The following ASIC2 variants were observed in gnomAD, a reference collection of about 807,000 sequenced individuals.
ASIC2 encodes the protein acid-sensing ion channel 2.
In ASIC2, 25 loss-of-function variants were observed where a neutral mutation model predicts 57.3. That is an observed-to-expected ratio of 0.44 (90% CI 0.32 to 0.61). The LOEUF is 0.61. Ranked by LOEUF, ASIC2 falls within the 20% of genes least tolerant of loss-of-function variation. The pLI, the probability that ASIC2 is intolerant of heterozygous loss-of-function variation, is 0.06. For missense variants in ASIC2, 641 were observed against 738.1 expected (o/e 0.87, Z 1.52); for synonymous variants, 319 against 307.5 (o/e 1.04, Z -0.39).
intron 1 of ASIC2, among the ~76,000 whole-genome samples, chr17:33,231,014 TAAAC>T (rs1259721736): frequency 6.6e-6 from 1 of 152,212 alleles, no homozygotes; most frequent in Non-Finnish European, 1.5e-5. Flanking sequence ...CTTTTTCTGT[TAAAC>T]AGAGGAAGAA....
At chr17:33,061,263 G>GT (rs2092019537) in intron 3 of ASIC2, among the ~76,000 whole-genome samples, 3 of 152,190 alleles carry the variant, frequency 2.0e-5, no homozygotes, top group Non-Finnish European at 4.4e-5. Flanking sequence ...AATGCTTCCA[G>GT]TTTTTGCCCA....
rs867185518 is a variant in ASIC2, at chr17:33,961,971, C to T, written c.555+194007G>A. Among the ~76,000 whole-genome samples, 4 of 152,304 alleles carry T rather than the reference C, an allele frequency of 2.6e-5. No homozygotes were observed. The Middle Eastern group carries it at 0.014, about 518-fold the overall frequency. On this transcript the variant is annotated intron_variant, in intron 1 of 9. Transcript: ENST00000359872. Reference sequence around the variant, plus strand: ...TTCAATATCAGCGTAAAACTCACATCACCAAGGAGGAATTCCTCGGTTCCA... The same window carrying T: ...TTCAATATCAGCGTAAAACTCACATTACCAAGGAGGAATTCCTCGGTTCCA...
At chr17:33,528,143 C>T (rs1457498536) in intron 1 of ASIC2, among the ~76,000 whole-genome samples, 3 of 68,488 alleles carry the variant, frequency 4.4e-5, no homozygotes, top group Non-Finnish European at 6.3e-5. Context: ...CAAACCTGGG[C>T]CTGGCTGACC....
chr17:33,562,526 C>T (rs373200805), intron 1 of ASIC2, among the ~76,000 whole-genome samples: 5 of 152,276 alleles, frequency 3.3e-5, no homozygotes, highest in South Asian at 4.1e-4. Flanking sequence ...CAGTGTAGGA[C>T]GTGACATGCT....
chr17:33,474,346 C>T (rs1043231450), intron 1 of ASIC2, among the ~76,000 whole-genome samples: 8 of 151,982 alleles, frequency 5.3e-5, no homozygotes, highest in Non-Finnish European at 1.2e-4. Flanking sequence ...CAGCCTGGGT[C>T]ACAGAGCACG....
intron 1 of ASIC2, among the ~76,000 whole-genome samples, chr17:33,881,730 G>T (rs1914704996): frequency 6.7e-6 from 1 of 149,662 alleles, no homozygotes; most frequent in East Asian, 2.0e-4. Flanking sequence ...CAAGCTCAAT[G>T]ACTTTCTTCA....
chr17:33,695,932 C>T (rs560344412), intron 1 of ASIC2, among the ~76,000 whole-genome samples: 26 of 152,212 alleles, frequency 1.7e-4, no homozygotes, highest in South Asian at 2.1e-4. Flanking sequence ...TCATAATGTA[C>T]GTATTATTCT....
At chr17:34,023,614 C>G (rs1168232245) in intron 1 of ASIC2, among the ~76,000 whole-genome samples, 1 of 152,150 alleles carries the variant, frequency 6.6e-6, no homozygotes, top group Non-Finnish European at 1.5e-5. Flanking sequence ...ACAGCATTTG[C>G]CTCACTTGCC....
At chr17:33,867,332 T>G (rs1442406095) in intron 1 of ASIC2, among the ~76,000 whole-genome samples, 1 of 152,176 alleles carries the variant, frequency 6.6e-6, no homozygotes, top group African/African-American at 2.4e-5. Flanking sequence ...ACCAGGATCT[T>G]CACGGTAATG....
At chr17:33,681,377 ACCTC>A (rs1026319854) in intron 1 of ASIC2, among the ~76,000 whole-genome samples, 9 of 151,952 alleles carry the variant, frequency 5.9e-5, no homozygotes, top group African/African-American at 2.2e-4. Context: ...TACCAGTTGC[ACCTC>A]CCCAAATTGT....
intron 1 of ASIC2, among the ~76,000 whole-genome samples, chr17:34,074,882 T>C (rs1244256862): frequency 6.8e-6 from 1 of 146,730 alleles, no homozygotes; most frequent in African/African-American, 2.6e-5. Context: ...ATCTCCAGGG[T>C]TCAAGTGATT....
chr17:33,122,911 G>A (rs191169808), intron 1 of ASIC2, among the ~76,000 whole-genome samples: 6 of 149,108 alleles, frequency 4.0e-5, no homozygotes, highest in East Asian at 2.0e-4. Flanking sequence ...ACAAATCATC[G>A]GAGACATGCA....
chr17:33,747,096 G>A (rs902608391), intron 1 of ASIC2, among the ~76,000 whole-genome samples: 5 of 152,038 alleles, frequency 3.3e-5, no homozygotes, highest in Non-Finnish European at 7.4e-5. Context: ...TCCTTCTGTA[G>A]GTCACATGAA....
chr17:33,932,741 A>AATATATATATATATATATATAT (rs1330850946), intron 1 of ASIC2: 34 of 58,618 alleles, frequency 5.8e-4, no homozygotes, highest in East Asian at 8.4e-4. Context: ...AAAAAAAAAA[A>AATATATATATATATATATATAT]ATATATATAT....
chr17:33,886,948 A>T (rs889496044), intron 1 of ASIC2, among the ~76,000 whole-genome samples: 18 of 148,106 alleles, frequency 1.2e-4, no homozygotes, highest in Admixed American at 4.0e-4. Context: ...ACAAACAAAC[A>T]AACTAACAAA....
At position 33,344,107 on chromosome 17, in the gene ASIC2, T is replaced by G. The variant is rs139169250; in HGVS notation, c.556-232040A>C. Among the ~76,000 whole-genome samples, 16 of 152,312 alleles carry G rather than the reference T, an allele frequency of 1.1e-4. No individual in the cohort carries two copies. In the East Asian group the frequency reaches 3.1e-3, roughly 29 times the overall value. On this transcript the variant is annotated intron_variant, in intron 1 of 9. Transcript: ENST00000359872. ...CGTCAAAATTGGGTTAATGTCCAAC[T>G]TCCCCAGCAGATAATTGGTTAGTTG... is the stretch of plus-strand genomic sequence containing the variant.
At chr17:34,032,200 C>A (rs559091574) in intron 1 of ASIC2, among the ~76,000 whole-genome samples, 3 of 152,164 alleles carry the variant, frequency 2.0e-5, no homozygotes, top group South Asian at 4.2e-4. Context: ...AGAGTGGGGG[C>A]CAATATTCAA....
chr17:34,028,193 G>C (rs1042489369), intron 1 of ASIC2, among the ~76,000 whole-genome samples: 1 of 152,076 alleles, frequency 6.6e-6, no homozygotes, highest in Non-Finnish European at 1.5e-5. Flanking sequence ...CTTAGAAGCA[G>C]AGATATTTTA....
At chr17:33,687,359 A>T (rs1908227570) in intron 1 of ASIC2, among the ~76,000 whole-genome samples, 2 of 152,156 alleles carry the variant, frequency 1.3e-5, no homozygotes, top group Admixed American at 6.5e-5. Context: ...AAGAAGGAAG[A>T]TCCAAACAAG....
Sources: gnomAD v4.1 joint callset for allele counts (sites outside exome capture counted in the v4.1 genomes callset) on GRCh38, gnomAD v4.1.1 for gene constraint, MANE v1.5 for transcripts, NCBI Gene and HGNC (gene_info 2026-07-23, HGNC 2026-07-21) for gene names.